ZNF552: variants seen among roughly 807,000 people sequenced by gnomAD.
ZNF552 encodes zinc finger protein 552.
ZNF552 carries 2 observed loss-of-function variants against 7.2 expected under a neutral mutation model. That is an observed-to-expected ratio of 0.28 (90% CI 0.11 to 0.88). The LOEUF (loss-of-function observed/expected upper bound fraction) is 0.88, where lower values mean the gene tolerates loss of function less well. ZNF552 is among the 40% of genes least tolerant of loss of function. The pLI is 0.60. For synonymous variants in ZNF552, 173 were observed against 176.5 expected (o/e 0.98, Z 0.16); for missense variants, 421 against 493.4 (o/e 0.85, Z 1.39).
In ZNF552 at chr19:57,814,726, T is replaced by C; in HGVS notation, c.18A>G (p.Leu6=). Residue 6 remains leucine (L), a synonymous_variant, in exon 1 of 3, where the codon CTA becomes CTG. Coordinates refer to ENST00000391701, the MANE Select transcript of ZNF552 (RefSeq NM_024762.3). ...CCACAATTACCTGAACGGGGAACCT[T>C]AGCGCGGCCGCCGCCATGGGACCAC... MAAAA[L]RFPVQGTVTF... 6.2e-7 allele frequency: 1 copy of C among 1,613,958 alleles called. No individual in the cohort carries two copies. Among genetic ancestry groups the C allele is most frequent in the Non-Finnish European group, 8.5e-7 (1 of 1,179,992 alleles).
At chr19:57,811,036 C>G (rs770711884) in intron 2 of ZNF552, among the ~76,000 whole-genome samples, 20 of 152,210 alleles carry the variant, frequency 1.3e-4, no homozygotes, top group Non-Finnish European at 2.9e-4. Flanking sequence ...CACTATTACC[C>G]TATTGACCTG....
Position 57,814,822 on chromosome 19 carries a change from G to A in ZNF552, c.-79C>T, listed in dbSNP as rs1987930593. 1.5e-6 allele frequency: 2 copies of A among 1,360,474 alleles called. No individual in the cohort carries two copies. Among genetic ancestry groups the A allele is most frequent in the Non-Finnish European group, 2.0e-6 (2 of 981,492 alleles). The allele number at this position is 1,360,474 out of a possible 1,614,324, so 84.3% of individuals were successfully genotyped here. A position where few individuals can be genotyped will look rare whatever the true frequency, so the allele number is the denominator to read the frequency against. ...CAGAGTCACGTCTGTGCAAAGAGAA[G>A]AACGACTCTCGACCTCCTGGATCCA... On this transcript the variant is annotated 5_prime_UTR_variant, in exon 1 of 3. Coordinates refer to ENST00000391701, the MANE Select transcript of ZNF552 (RefSeq NM_024762.3).
At chr19:57,809,613 C>T (rs534952667) in intron 2 of ZNF552, among the ~76,000 whole-genome samples, 1 of 151,374 alleles carries the variant, frequency 6.6e-6, no homozygotes, top group South Asian at 2.1e-4. Flanking sequence ...AAATATCAGA[C>T]TACAAGCTCA....
At chr19:57,811,053 G>A (rs1280589936) in intron 2 of ZNF552, among the ~76,000 whole-genome samples, 1 of 152,146 alleles carries the variant, frequency 6.6e-6, no homozygotes, top group Non-Finnish European at 1.5e-5. Flanking sequence ...CCTGCCACAT[G>A]GTAGAGATAA....
intron 2 of ZNF552, among the ~76,000 whole-genome samples, chr19:57,810,503 T>C (rs1987833365): frequency 2.6e-5 from 4 of 152,166 alleles, no homozygotes; most frequent in African/African-American, 4.8e-5. Context: ...CAACTCAAGG[T>C]TAAATGGATT....
At chr19:57,814,573 G>A in intron 1 of ZNF552, 138 bp downstream of exon 1, 1 of 1,559,074 alleles carries the variant, frequency 6.4e-7, no homozygotes. Flanking sequence ...GTCTGAAACA[G>A]GGATCCCTCC....
intron 2 of ZNF552, among the ~76,000 whole-genome samples, chr19:57,810,407 A>G (rs1272506276): frequency 6.6e-6 from 1 of 152,190 alleles, no homozygotes; most frequent in African/African-American, 2.4e-5. Flanking sequence ...CATTTTGTTC[A>G]GTACTAAGAA....
At chr19:57,814,508 C>G (rs1389506813) in intron 1 of ZNF552, 6 of 1,536,456 alleles carry the variant, frequency 3.9e-6, no homozygotes, top group Non-Finnish European at 5.2e-6. Context: ...CATCTCCAGG[C>G]CATTGCCCGC....
intron 2 of ZNF552, among the ~76,000 whole-genome samples, chr19:57,810,789 T>G (rs1364783713): frequency 6.6e-6 from 1 of 152,146 alleles, no homozygotes; most frequent in Non-Finnish European, 1.5e-5. Flanking sequence ...GGCATCTGTC[T>G]CCCGCTCATC....
intron 2 of ZNF552, among the ~76,000 whole-genome samples, chr19:57,809,625 G>A (rs927959060): frequency 2.0e-5 from 3 of 150,354 alleles, no homozygotes; most frequent in African/African-American, 5.0e-5. Flanking sequence ...ACAAGCTCAT[G>A]TACAAATCAG....
intron 2 of ZNF552, among the ~76,000 whole-genome samples, chr19:57,812,591 C>T (rs1049000392): frequency 2.0e-5 from 3 of 152,172 alleles, no homozygotes; most frequent in African/African-American, 4.8e-5. Flanking sequence ...TTTTTTGAGA[C>T]GGAGTCTTGC....
At position 57,808,201 on chromosome 19, in the gene ZNF552, T is replaced by G; in HGVS notation, c.1063A>C (p.Ser355Arg). 1.2e-6 allele frequency: 2 copies of G among 1,614,052 alleles called. No homozygotes were observed. The highest frequency in any genetic ancestry group is 1.7e-6 in the Non-Finnish European group (2 of 1,179,992). Reference sequence around the variant, plus strand: ...TCGGCAAAAGATTTCCCACATTCACTGCACTCATAAGGCTTCTGACCAGTG... The same window carrying G: ...TCGGCAAAAGATTTCCCACATTCACGGCACTCATAAGGCTTCTGACCAGTG... ...VHTGQKPYECSECGKSFAESS... is the reference protein window; with the variant it reads ...VHTGQKPYECRECGKSFAESS... Residue 355 changes from serine to arginine, a missense_variant, in exon 3 of 3, where the codon AGT becomes CGT. Physicochemically the swap from Ser to Arg is moderately radical, Grantham distance 110. This residue lies in a region of ZNF552 where 299 missense variants were observed against 293.7 expected (regional missense o/e 1.02). Transcript: ENST00000391701.
chr19:57,814,371 T>A, intron 1 of ZNF552: 1 of 758,146 alleles, frequency 1.3e-6, no homozygotes, highest in Non-Finnish European at 2.1e-6. Flanking sequence ...GAAATTCTCC[T>A]ATTTCTAGTG....
chr19:57,808,263 G>T lies in ZNF552; in HGVS notation c.1001C>A (p.Thr334Asn). ...YECSDCGKSF[T>N]HSSTFRVHKR... Reference sequence around the variant, plus strand: ...ATGAACACGGAATGTAGAGCTGTGGGTAAATGACTTCCCACAATCACTGCA... The same window carrying T: ...ATGAACACGGAATGTAGAGCTGTGGTTAAATGACTTCCCACAATCACTGCA... The change falls in exon 3 of 3, where the codon ACC becomes AAC. Residue 334 changes from threonine to asparagine, a missense_variant. Thr to Asn is a moderately conservative substitution (Grantham distance 65). Around this residue, in one of 2 missense-constraint regions of ZNF552, gnomAD observed 299 missense variants for 293.7 expected, o/e 1.02. Coordinates refer to ENST00000391701, the MANE Select transcript of ZNF552 (RefSeq NM_024762.3). The T allele has an allele frequency of 6.2e-7, 1 of 1,613,960 alleles. No homozygotes were observed. The highest frequency in any genetic ancestry group is 8.5e-7 in the Non-Finnish European group (1 of 1,179,976).
chr19:57,812,267 C>A (rs1440323050), intron 2 of ZNF552, among the ~76,000 whole-genome samples: 1 of 151,918 alleles, frequency 6.6e-6, no homozygotes, highest in Non-Finnish European at 1.5e-5. Flanking sequence ...ATCATGTGTG[C>A]TTACTTGTCT....
intron 2 of ZNF552, among the ~76,000 whole-genome samples, chr19:57,810,819 G>A (rs1440613115): frequency 6.6e-6 from 1 of 151,442 alleles, no homozygotes; most frequent in Non-Finnish European, 1.5e-5. Context: ...TGGAATGTCT[G>A]GGTGTTAAAA....
rs1394025648 is a variant in ZNF552, at chr19:57,814,718, G to A, written c.26C>T (p.Pro9Leu). The change falls in exon 1 of 3, where the codon CCC becomes CTC. Residue 9 changes from proline to leucine, a missense_variant. Transcript: ENST00000391701. ...GGAAGGCGCCACAATTACCTGAACG[G>A]GGAACCTTAGCGCGGCCGCCGCCAT... MAAAALRF[P>L]VQGTVTFEDV... 1.9e-6 allele frequency: 3 copies of A among 1,613,910 alleles called. No homozygotes were observed. Among genetic ancestry groups the A allele is most frequent in the Non-Finnish European group, 2.5e-6 (3 of 1,180,008 alleles).
At position 57,807,667 on chromosome 19, in the gene ZNF552, T is replaced by G. The variant is rs908940997; in HGVS notation, c.*373A>C. On this transcript the variant is annotated 3_prime_UTR_variant, in exon 3 of 3. Coordinates refer to ENST00000391701, the MANE Select transcript of ZNF552 (RefSeq NM_024762.3). ...CAGGGTCTCACTCTGTGGTCCAGAC[T>G]GGACTGCAGTGTTGCAATCTCGGCT... 6.0e-5 allele frequency: 12 copies of G among 201,070 alleles called. No individual in the cohort carries two copies. In the South Asian group the frequency reaches 9.7e-4, roughly 16 times the overall value. 12.5% of individuals were successfully genotyped at this position (201,070 alleles called of 1,614,324 possible). A position where few individuals can be genotyped will look rare whatever the true frequency, so the allele number is the denominator to read the frequency against.
chr19:57,814,552 A>C, intron 1 of ZNF552, 159 bp downstream of exon 1: 1 of 1,545,162 alleles, frequency 6.5e-7, no homozygotes, highest in Non-Finnish European at 8.7e-7. Context: ...TCCCCACCGC[A>C]TCCCACGGGT....
Sources: gnomAD v4.1 joint callset for allele counts (sites outside exome capture counted in the v4.1 genomes callset) on GRCh38, gnomAD v4.1.1 for gene constraint, gnomAD v4.1.1 regional missense constraint, MANE v1.5 for transcripts, NCBI Gene and HGNC (gene_info 2026-07-23, HGNC 2026-07-21) for gene names.